SUSD6: variants seen among roughly 807,000 people sequenced by gnomAD.
SUSD6 encodes sushi domain-containing protein 6.
SUSD6 carries 16 observed loss-of-function variants against 28.4 expected under a neutral mutation model. The ratio of observed to expected loss-of-function variants is 0.56; its 90% CI spans 0.38 to 0.86. The LOEUF (loss-of-function observed/expected upper bound fraction) is 0.86. Among genes scored for constraint, SUSD6 ranks in the 40% least tolerant of loss-of-function variants. The pLI, the probability that SUSD6 is intolerant of heterozygous loss-of-function variation, is 0.00. For synonymous variants in SUSD6, 147 were observed against 159.6 expected (o/e 0.92, Z 0.59); for missense variants, 341 against 384.2 (o/e 0.89, Z 0.94).
At chr14:69,684,505 A>G (rs1182731259) in intron 2 of SUSD6, among the ~76,000 whole-genome samples, 1 of 152,248 alleles carries the variant, frequency 6.6e-6, no homozygotes, top group Admixed American at 6.5e-5. Flanking sequence ...TTCCAGTAGA[A>G]GTAGGGAGAG....
chr14:69,677,924 C>T (rs946412362), intron 2 of SUSD6, among the ~76,000 whole-genome samples: 6 of 152,108 alleles, frequency 3.9e-5, no homozygotes, highest in Admixed American at 2.0e-4. Context: ...AAAATGGAGA[C>T]GAGTGTAATC....
chr14:69,690,982 C>G (rs552077809), intron 2 of SUSD6, among the ~76,000 whole-genome samples: 4 of 152,306 alleles, frequency 2.6e-5, no homozygotes, highest in East Asian at 1.9e-4. Context: ...CCCCACCCCC[C>G]AGAATGTACA....
rs568222804 is a variant in SUSD6 at position 69,665,296 on chromosome 14, A to C, written c.121+6583A>C. On this transcript the variant is annotated intron_variant, in intron 2 of 5. Coordinates refer to ENST00000342745, the MANE Select transcript of SUSD6 (RefSeq NM_014734.4). ...CACTCAGTTGCCCAGGTTGGAGTGC[A>C]GTGGCTCTGTCACAGCTCACCGCAA... Among the ~76,000 whole-genome samples, 3 of 152,138 alleles carry C rather than the reference A, an allele frequency of 2.0e-5. No individual in the cohort carries two copies. The East Asian group carries it at 5.8e-4, about 29-fold the overall frequency.
chr14:69,646,047 GC>G (rs1885421450), intron 1 of SUSD6, among the ~76,000 whole-genome samples: 2 of 152,144 alleles, frequency 1.3e-5, no homozygotes, highest in Non-Finnish European at 2.9e-5. Flanking sequence ...ACTGCGCCTG[GC>G]CTCCCACTTT....
intron 1 of SUSD6, among the ~76,000 whole-genome samples, chr14:69,654,790 GGTGT>G (rs34122510): frequency 3.6e-3 from 360 of 98,896 alleles, no homozygotes; most frequent in African/African-American, 0.012. Context: ...TTTTTTTTTT[GGTGT>G]GTGTGTGTGT....
At chr14:69,661,840 G>A (rs1283756904) in intron 2 of SUSD6, among the ~76,000 whole-genome samples, 1 of 152,032 alleles carries the variant, frequency 6.6e-6, no homozygotes, top group African/African-American at 2.4e-5. Flanking sequence ...TTACTCTGTT[G>A]CCAGGCTGGA....
intron 1 of SUSD6, among the ~76,000 whole-genome samples, chr14:69,638,466 G>A (rs1326461591): frequency 2.1e-5 from 3 of 143,814 alleles, no homozygotes; most frequent in Non-Finnish European, 4.7e-5. Flanking sequence ...GTGTAATTGT[G>A]TGTGTGTGGG....
chr14:69,693,066 C>T (rs907636934), intron 2 of SUSD6, among the ~76,000 whole-genome samples: 4 of 152,210 alleles, frequency 2.6e-5, no homozygotes, highest in Non-Finnish European at 2.9e-5. Context: ...CTTGCTAATA[C>T]ACGTGGAATA....
At chr14:69,650,860 A>G (rs1885494249) in intron 1 of SUSD6, among the ~76,000 whole-genome samples, 2 of 152,184 alleles carry the variant, frequency 1.3e-5, no homozygotes, top group African/African-American at 4.8e-5. Flanking sequence ...ATTAAACCCT[A>G]AAGGGAAAGT....
chr14:69,642,960 T>C (rs74060250), intron 1 of SUSD6, among the ~76,000 whole-genome samples: 3,244 of 152,258 alleles, frequency 0.021, 111 homozygotes, highest in African/African-American at 0.074. Context: ...TTCTAGCCAC[T>C]TGGGCCTCTC....
intron 1 of SUSD6, among the ~76,000 whole-genome samples, chr14:69,639,554 A>C (rs1220123021): frequency 6.6e-6 from 1 of 152,132 alleles, no homozygotes; most frequent in East Asian, 1.9e-4. Context: ...GAGATGAGAG[A>C]ATCACGGAGT....
chr14:69,645,642 G>A (rs1465247758), intron 1 of SUSD6, among the ~76,000 whole-genome samples: 2 of 152,044 alleles, frequency 1.3e-5, no homozygotes, highest in Admixed American at 6.5e-5. Context: ...TAATTGAGAA[G>A]GTATACCTTA....
intron 1 of SUSD6, among the ~76,000 whole-genome samples, chr14:69,653,530 A>G (rs750109692): frequency 1.3e-5 from 2 of 152,164 alleles, no homozygotes; most frequent in African/African-American, 2.4e-5. Flanking sequence ...CCTCTGTCTC[A>G]GCTCTAAGTT....
At chr14:69,692,654 G>T (rs1566605284) in intron 2 of SUSD6, among the ~76,000 whole-genome samples, 1 of 152,202 alleles carries the variant, frequency 6.6e-6, no homozygotes, top group Non-Finnish European at 1.5e-5. Flanking sequence ...TTGATTGTGT[G>T]TTTCTTGAGG....
chr14:69,653,465 C>G (rs1389604349), intron 1 of SUSD6, among the ~76,000 whole-genome samples: 1 of 152,210 alleles, frequency 6.6e-6, no homozygotes, highest in Non-Finnish European at 1.5e-5. Context: ...AGAGAGCCTT[C>G]ATGACCAGCT....
chr14:69,679,268 G>A (rs1307272937), intron 2 of SUSD6, among the ~76,000 whole-genome samples: 3 of 152,156 alleles, frequency 2.0e-5, no homozygotes, highest in African/African-American at 4.8e-5. Context: ...CTAAGATCCT[G>A]TTTGCCTTTT....
chr14:69,635,595 C>CCACACA (rs3048696), intron 1 of SUSD6, among the ~76,000 whole-genome samples: 4,314 of 143,534 alleles, frequency 0.03, 99 homozygotes, highest in East Asian at 0.052. Flanking sequence ...CCAAGGCACA[C>CCACACA]CACACACACA....
chr14:69,673,796 C>G (rs1241853068), intron 2 of SUSD6, among the ~76,000 whole-genome samples: 1 of 152,180 alleles, frequency 6.6e-6, no homozygotes, highest in Non-Finnish European at 1.5e-5. Flanking sequence ...GAGCCGGGGT[C>G]CTGGGCATCG....
At chr14:69,704,815 G>A in intron 4 of SUSD6, 73 bp downstream of exon 4, 1 of 1,535,386 alleles carries the variant, frequency 6.5e-7, no homozygotes, top group Non-Finnish European at 8.8e-7. Flanking sequence ...CTTTGGTGGA[G>A]GGTTGCTGGT....
Sources: gnomAD v4.1 joint callset for allele counts (sites outside exome capture counted in the v4.1 genomes callset) on GRCh38, gnomAD v4.1.1 for gene constraint, MANE v1.5 for transcripts, NCBI Gene and HGNC (gene_info 2026-07-23, HGNC 2026-07-21) for gene names.